The following TNR variants were observed in gnomAD, a reference collection of about 807,000 sequenced individuals.
The protein encoded by TNR is tenascin-R.
Under a neutral mutation model 150.4 loss-of-function variants are expected in TNR, and 45 were observed. The ratio of observed to expected loss-of-function variants is 0.30; its 90% CI spans 0.24 to 0.38. The LOEUF (loss-of-function observed/expected upper bound fraction) is 0.38, where lower values mean the gene tolerates loss of function less well. Among genes scored for constraint, TNR ranks in the 10% least tolerant of loss-of-function variants. TNR has a pLI of 1.00. For missense variants in TNR, 1,544 were observed against 1,759.1 expected, an observed-to-expected ratio of 0.88 and a Z score of 2.19; for synonymous variants, 687 against 678.4, an observed-to-expected ratio of 1.01 and a Z score of -0.20.
chr1:175,731,263 G>A (rs1348684895), intron 1 of TNR, among the ~76,000 whole-genome samples: 1 of 152,178 alleles, frequency 6.6e-6, no homozygotes, highest in Non-Finnish European at 1.5e-5. Context: ...ACTGAAAAGT[G>A]CGAGTTAGTA....
intron 1 of TNR, among the ~76,000 whole-genome samples, chr1:175,600,889 T>C (rs1663206979): frequency 6.6e-6 from 1 of 152,218 alleles, no homozygotes; most frequent in African/African-American, 2.4e-5. Flanking sequence ...AGACTTACGC[T>C]ACAGAGGAAC....
At chr1:175,684,006 C>A (rs1325498778) in intron 1 of TNR, among the ~76,000 whole-genome samples, 1 of 152,148 alleles carries the variant, frequency 6.6e-6, no homozygotes, top group African/African-American at 2.4e-5. Context: ...AGACTCCAGC[C>A]AAAGTGGGAT....
At chr1:175,483,107 T>G (rs1657872763) in intron 2 of TNR, among the ~76,000 whole-genome samples, 1 of 152,236 alleles carries the variant, frequency 6.6e-6, no homozygotes, top group Non-Finnish European at 1.5e-5. Flanking sequence ...AGCAAGGAGC[T>G]GTGCCAGGCG....
intron 2 of TNR, among the ~76,000 whole-genome samples, chr1:175,491,811 G>A (rs768259248): frequency 4.6e-5 from 7 of 151,786 alleles, no homozygotes; most frequent in Non-Finnish European, 7.4e-5. Flanking sequence ...CACCACACCC[G>A]GCTAATTTTT....
intron 2 of TNR, among the ~76,000 whole-genome samples, chr1:175,511,979 C>T (rs1253166384): frequency 6.6e-6 from 1 of 152,198 alleles, no homozygotes; most frequent in East Asian, 1.9e-4. Flanking sequence ...CCACTGTGAT[C>T]CAGCACTTTA....
At chr1:175,392,115 A>T (rs890798875) in intron 6 of TNR, among the ~76,000 whole-genome samples, 1 of 152,208 alleles carries the variant, frequency 6.6e-6, no homozygotes. Flanking sequence ...GAGAAGAAGG[A>T]GACAAGAGGG....
intron 1 of TNR, among the ~76,000 whole-genome samples, chr1:175,740,751 G>C (rs1459346865): frequency 6.6e-6 from 1 of 152,206 alleles, no homozygotes; most frequent in Non-Finnish European, 1.5e-5. Context: ...TCAGAGCCCA[G>C]CCCTCTCCTG....
intron 18 of TNR, among the ~76,000 whole-genome samples, chr1:175,348,192 G>C (rs1650889564): frequency 6.6e-6 from 1 of 152,016 alleles, no homozygotes; most frequent in Non-Finnish European, 1.5e-5. Flanking sequence ...AATTAGCCAA[G>C]AACATATAGA....
intron 21 of TNR, 45 bp from the exon 22 acceptor site, chr1:175,324,564 T>C: frequency 6.3e-7 from 1 of 1,595,432 alleles, no homozygotes; most frequent in Non-Finnish European, 8.5e-7. Context: ...TTGTCACTGC[T>C]TTATCAGGAT....
rs1020400768 is a variant in TNR, at chr1:175,598,527, G to A, written c.-164-70158C>T. On this transcript the variant is annotated intron_variant, in intron 1 of 22. Coordinates refer to ENST00000367674, the MANE Select transcript of TNR (RefSeq NM_003285.3). Reference sequence around the variant, plus strand: ...TGTTTTAGTTACCAAAGCCTTGGACGTGGGCATGAATACATGCTTATGGAA... The same window carrying A: ...TGTTTTAGTTACCAAAGCCTTGGACATGGGCATGAATACATGCTTATGGAA... Among the ~76,000 whole-genome samples, 10 of 152,338 alleles carry A rather than the reference G, an allele frequency of 6.6e-5. No individual in the cohort carries two copies. In the South Asian group the frequency reaches 1.2e-3, roughly 19 times the overall value.
chr1:175,666,755 T>A (rs189794361), intron 1 of TNR, among the ~76,000 whole-genome samples: 1 of 152,308 alleles, frequency 6.6e-6, no homozygotes, highest in African/African-American at 2.4e-5. Context: ...TTCGTTGTTG[T>A]TATTGTTTAT....
rs1215162158 is a variant in TNR at position 175,363,629 on chromosome 1, T to G, written c.2707+79A>C. 11 of 1,523,762 alleles carry G rather than the reference T, an allele frequency of 7.2e-6. No homozygotes were observed. The African/African-American group carries it at 1.4e-4, about 19-fold the overall frequency. The allele number at this position is 1,523,762 out of a possible 1,614,324, so 94.4% of individuals were successfully genotyped here. ...GAGGAAAAACGCAGGCAGGAGTGGA[T>G]GTTCTGCGGGATATGCTAGTTCTCC... On this transcript the variant is annotated intron_variant, in intron 13 of 22. Coordinates refer to ENST00000367674, the MANE Select transcript of TNR (RefSeq NM_003285.3).
At chr1:175,678,816 T>C (rs1000981119) in intron 1 of TNR, among the ~76,000 whole-genome samples, 1 of 152,228 alleles carries the variant, frequency 6.6e-6, no homozygotes, top group Admixed American at 6.5e-5. Flanking sequence ...CCCTGGGGCC[T>C]GTGGCCCTGC....
At chr1:175,648,771 C>T (rs1206659089) in intron 1 of TNR, among the ~76,000 whole-genome samples, 11 of 152,122 alleles carry the variant, frequency 7.2e-5, no homozygotes, top group African/African-American at 2.7e-4. Flanking sequence ...TAGCCCTGTC[C>T]TCAGTCTGCT....
Position 175,386,293 on chromosome 1 carries a change from C to G in TNR, c.1516G>C (p.Gly506Arg). The G allele has an allele frequency of 1.3e-6, 2 of 1,553,394 alleles. No individual in the cohort carries two copies. The highest frequency in any genetic ancestry group is 1.7e-6 in the Non-Finnish European group (2 of 1,144,474). The change falls in exon 8 of 23, where the codon GGC becomes CGC. Residue 506 changes from glycine to arginine, a missense_variant. Around this residue, in one of 2 missense-constraint regions of TNR, gnomAD observed 1,254 missense variants for 1,329.4 expected, o/e 0.94. Transcript: ENST00000367674. ...TCGCGAACCAGGATCTGCGTGGGGC[C>G]GTCAATGACTGAGTGAGAAGGATCA... ...TSASVSTVIDGPTQILVRDVS... is the reference protein window; with the variant it reads ...TSASVSTVIDRPTQILVRDVS...
intron 1 of TNR, among the ~76,000 whole-genome samples, chr1:175,615,396 T>C (rs907053426): frequency 1.3e-5 from 2 of 152,220 alleles, no homozygotes; most frequent in Middle Eastern, 3.4e-3. Context: ...ATTTTAAACA[T>C]GTATTGGGAG....
rs1275296832 is a variant in TNR at position 175,417,010 on chromosome 1, A to AG, written c.-63-10234_-63-10233insC. On this transcript the variant is annotated intron_variant, in intron 2 of 22. Transcript: ENST00000367674. Reference sequence around the variant, plus strand: ...GCTACAGAGCGAGACTCCATCTCAAAAAAAGAAAGAAAGAAAGAAAGAAAG... The same window carrying AG: ...GCTACAGAGCGAGACTCCATCTCAAAGAAAAGAAAGAAAGAAAGAAAGAAAG... Among the ~76,000 whole-genome samples, 429 of 131,724 alleles carry AG rather than the reference A, an allele frequency of 3.3e-3. 5 individuals are homozygous for AG. The highest frequency in any genetic ancestry group is 0.011 in the African/African-American group (385 of 36,318). 86.4% of individuals were successfully genotyped at this position (131,724 alleles called of 152,430 possible). A position where few individuals can be genotyped will look rare whatever the true frequency, so the allele number is the denominator to read the frequency against.
At chr1:175,630,658 T>G (rs902022741) in intron 1 of TNR, among the ~76,000 whole-genome samples, 11 of 152,194 alleles carry the variant, frequency 7.2e-5, no homozygotes, top group African/African-American at 2.4e-4. Context: ...CTTCTTCAGG[T>G]GTTTAGGAGA....
intron 18 of TNR, among the ~76,000 whole-genome samples, chr1:175,353,505 A>G (rs1651163500): frequency 6.6e-6 from 1 of 152,206 alleles, no homozygotes; most frequent in Non-Finnish European, 1.5e-5. Context: ...GAACAGCTGC[A>G]TTTAGAAGTA....
Sources: allele counts gnomAD v4.1 joint callset (sites outside exome capture counted in the v4.1 genomes callset), GRCh38; gene constraint gnomAD v4.1.1; regional missense constraint gnomAD v4.1.1; transcripts MANE v1.5; gene names NCBI Gene and HGNC (gene_info 2026-07-23, HGNC 2026-07-21).